The following ITGB5 variants were observed in gnomAD, a reference collection of about 807,000 sequenced individuals.
ITGB5 encodes the protein integrin beta-5.
A neutral mutation model predicts 84.8 loss-of-function variants in ITGB5; 38 were observed. The observed-to-expected ratio is 0.45, with a 90% CI of 0.35 to 0.59. The LOEUF (loss-of-function observed/expected upper bound fraction) is 0.59. ITGB5 is among the 20% of genes least tolerant of loss of function. The pLI is 0.01. For missense variants in ITGB5, 905 were observed against 1,034.5 expected, an observed-to-expected ratio of 0.87 and a Z score of 1.72; for synonymous variants, 393 against 414.4, an observed-to-expected ratio of 0.95 and a Z score of 0.63.
At chr3:124,845,176 T>C (rs541763634) in intron 4 of ITGB5, among the ~76,000 whole-genome samples, 1 of 152,342 alleles carries the variant, frequency 6.6e-6, no homozygotes, top group African/African-American at 2.4e-5. Context: ...CCCACCCCTG[T>C]AATCTCAGCA....
intron 10 of ITGB5, chr3:124,792,619 T>C (rs1349851967): frequency 1.3e-5 from 2 of 152,092 alleles, no homozygotes; most frequent in Non-Finnish European, 2.9e-5. Flanking sequence ...GCTTTTCCAG[T>C]GGGGAAGAAA....
At chr3:124,870,045 A>T (rs1933919721) in intron 2 of ITGB5, among the ~76,000 whole-genome samples, 1 of 152,190 alleles carries the variant, frequency 6.6e-6, no homozygotes, top group Non-Finnish European at 1.5e-5. Flanking sequence ...GAGGGTGGGA[A>T]CAATCACCTT....
intron 4 of ITGB5, among the ~76,000 whole-genome samples, chr3:124,846,464 T>C (rs2065080001): frequency 6.6e-6 from 1 of 150,692 alleles, no homozygotes; most frequent in Admixed American, 6.6e-5. Flanking sequence ...ACGTTCATTG[T>C]GTTGAGCCAC....
rs371637276 is a variant in ITGB5, at chr3:124,841,525, G to A, written c.638C>T (p.Pro213Leu). The A allele has an allele frequency of 6.2e-7, 1 of 1,613,908 alleles. No individual in the cohort carries two copies. The highest frequency in any genetic ancestry group is 1.7e-5 in the Admixed American group (1 of 59,950). ...IGYKLFPNCV[P>L]SFGFRHLLPL... ...CAGCAGATGGCGGAACCCAAAGGAG[G>A]GGACGCAATTTGGAAACAACTTGTA... Residue 213 changes from proline (P) to leucine (L), a missense_variant, in exon 5 of 15, where the codon CCC becomes CTC. This residue lies in a region of ITGB5 where 656 missense variants were observed against 734.7 expected (regional missense o/e 0.89). Coordinates refer to ENST00000296181, the MANE Select transcript of ITGB5 (RefSeq NM_002213.5).
intron 8 of ITGB5, chr3:124,809,431 C>T (rs147282372): frequency 5.6e-5 from 21 of 375,632 alleles, no homozygotes; most frequent in African/African-American, 1.6e-4. Context: ...CTGCTTCAAA[C>T]GGGTTATGCC....
chr3:124,879,179 A>T (rs9875516), intron 1 of ITGB5, among the ~76,000 whole-genome samples: 71,982 of 152,070 alleles, frequency 0.47, 17,607 homozygotes, highest in East Asian at 0.67. Context: ...AACCCAAGCC[A>T]GGCCCTCTGG....
At chr3:124,847,102 T>C (rs1160564081) in intron 4 of ITGB5, among the ~76,000 whole-genome samples, 1 of 152,226 alleles carries the variant, frequency 6.6e-6, no homozygotes, top group Non-Finnish European at 1.5e-5. Context: ...CAGATTGTTA[T>C]GAGATTTAAA....
intron 9 of ITGB5, among the ~76,000 whole-genome samples, chr3:124,798,460 C>A (rs1287302119): frequency 6.7e-6 from 1 of 150,224 alleles, no homozygotes; most frequent in Admixed American, 6.6e-5. Flanking sequence ...CTCTCTGTCA[C>A]CCAGGCTGGA....
intron 10 of ITGB5, among the ~76,000 whole-genome samples, chr3:124,774,764 AT>A (rs761287944): frequency 6.7e-6 from 1 of 149,598 alleles, no homozygotes; most frequent in Non-Finnish European, 1.5e-5. Context: ...GAAATGGATG[AT>A]TTAGGAGCAG....
intron 2 of ITGB5, among the ~76,000 whole-genome samples, chr3:124,870,845 A>G (rs1347401523): frequency 6.6e-6 from 1 of 152,196 alleles, no homozygotes; most frequent in African/African-American, 2.4e-5. Context: ...AGATGGAGAC[A>G]GTCAGGTATG....
At chr3:124,834,641 A>C in intron 5 of ITGB5, among the ~76,000 whole-genome samples, 1 of 97,260 alleles carries the variant, frequency 1.0e-5, no homozygotes, top group Non-Finnish European at 2.0e-5. Flanking sequence ...GAGGGAGGGA[A>C]GGACGGACAG....
chr3:124,776,412 G>C (rs1048053904), intron 10 of ITGB5, among the ~76,000 whole-genome samples: 1 of 152,124 alleles, frequency 6.6e-6, no homozygotes, highest in Non-Finnish European at 1.5e-5. Flanking sequence ...CACTGTGAGG[G>C]GATTATTCCC....
chr3:124,859,235 A>T lies in ITGB5; in HGVS notation c.361+7T>A. 1 of 1,612,574 alleles carries T rather than the reference A, an allele frequency of 6.2e-7. No homozygotes were observed. Among genetic ancestry groups the T allele is most frequent in the South Asian group, 1.1e-5 (1 of 90,918 alleles). ...AGAGCATCCAGCCCTTTCTGTGGGC[A>T]ACTCACCGGGCCGGAGGTTCACGGC... On this transcript the variant is annotated splice_region_variant and intron_variant, in intron 3 of 14. Coordinates refer to ENST00000296181, the MANE Select transcript of ITGB5 (RefSeq NM_002213.5).
Position 124,796,494 on chromosome 3 carries a change from G to T in ITGB5, c.1587C>A (p.Ser529Arg), listed in dbSNP as rs1031611424. The T allele has an allele frequency of 6.2e-7, 1 of 1,614,096 alleles. No individual in the cohort carries two copies. Among genetic ancestry groups the T allele is most frequent in the South Asian group, 1.1e-5 (1 of 91,086 alleles). Reference protein sequence around the residue: ...KPLCSGRGDCSCNQCSCFESE... With the variant: ...KPLCSGRGDCRCNQCSCFESE... ...TCTCGAAGCAGGAGCACTGGTTGCA[G>T]CTGCAGTCCCCACGCCCGCTGCACA... The change falls in exon 10 of 15, where the codon AGC becomes AGA. Residue 529 changes from serine to arginine, a missense_variant. By Grantham distance (110) the Ser-to-Arg change is moderately radical. Coordinates refer to ENST00000296181, the MANE Select transcript of ITGB5 (RefSeq NM_002213.5).
chr3:124,841,737 T>C (rs1166304502), intron 4 of ITGB5, among the ~76,000 whole-genome samples, 186 bp from the exon 5 acceptor site: 3 of 152,194 alleles, frequency 2.0e-5, no homozygotes, highest in African/African-American at 4.8e-5. Flanking sequence ...TCTCCAAACA[T>C]CAGCCCTAAA....
At chr3:124,869,412 C>T (rs1339643988) in intron 2 of ITGB5, among the ~76,000 whole-genome samples, 3 of 152,048 alleles carry the variant, frequency 2.0e-5, no homozygotes, top group Admixed American at 6.6e-5. Context: ...CCCGTCTCTA[C>T]TAAAAATACA....
At chr3:124,805,646 C>T (rs529482630) in intron 9 of ITGB5, among the ~76,000 whole-genome samples, 1 of 152,046 alleles carries the variant, frequency 6.6e-6, no homozygotes, top group South Asian at 2.1e-4. Flanking sequence ...AGATGGGGGT[C>T]TCATTTCATT....
chr3:124,794,391 A>AG (rs1428627323), intron 10 of ITGB5, among the ~76,000 whole-genome samples: 15 of 152,344 alleles, frequency 9.8e-5, no homozygotes, highest in African/African-American at 3.6e-4. Flanking sequence ...TCTCCTTCTG[A>AG]ACCACAGTTC....
At chr3:124,804,444 A>T (rs1486557079) in intron 9 of ITGB5, among the ~76,000 whole-genome samples, 2 of 152,134 alleles carry the variant, frequency 1.3e-5, no homozygotes, top group Non-Finnish European at 2.9e-5. Flanking sequence ...GCTACTTGGG[A>T]GGCTGAGGCG....
Sources: allele counts gnomAD v4.1 joint callset (sites outside exome capture counted in the v4.1 genomes callset), GRCh38; gene constraint gnomAD v4.1.1; regional missense constraint gnomAD v4.1.1; transcripts MANE v1.5; gene names NCBI Gene and HGNC (gene_info 2026-07-23, HGNC 2026-07-21).